The following FIBCD1 variants were observed in gnomAD, a reference collection of about 807,000 sequenced individuals.
FIBCD1 encodes fibrinogen C domain containing 1.
FIBCD1 carries 47 observed loss-of-function variants against 45.1 expected under a neutral mutation model. The observed-to-expected ratio is 1.04, with a 90% confidence interval of 0.82 to 1.33. FIBCD1 has a LOEUF of 1.33. Ranked by LOEUF, FIBCD1 falls within the 40% of genes most tolerant of loss-of-function variation. The probability of loss-of-function intolerance (pLI) is 0.00; values close to 1 mark genes in which losing one functional copy is unlikely to be tolerated. For synonymous variants in FIBCD1, 313 were observed against 308.1 expected (o/e 1.02, Z -0.17); for missense variants, 653 against 682.2 (o/e 0.96, Z 0.48).
intron 4 of FIBCD1, among the ~76,000 whole-genome samples, chr9:130,917,125 G>A (rs1379999077): frequency 6.7e-6 from 1 of 150,238 alleles, no homozygotes; most frequent in African/African-American, 2.4e-5. Context: ...AATGGAGGCG[G>A]GGAGCAAAAG....
chr9:130,902,855 A>C lies in FIBCD1; in HGVS notation c.*1209T>G, dbSNP rs1420147028. ...GGGTCTCACCTCTGCATGTGTGCAC[A>C]CAAGGAGTGGGGATGACAGCGTGCT... is the stretch of plus-strand genomic sequence containing the variant. On this transcript the variant is annotated 3_prime_UTR_variant, in exon 7 of 7. Transcript: ENST00000372338. 6.6e-6 allele frequency: 1 copy of C among 152,386 alleles called. No individual in the cohort carries two copies. The highest frequency in any genetic ancestry group is 1.5e-5 in the Non-Finnish European group (1 of 68,174). 9.4% of individuals were successfully genotyped at this position (152,386 alleles called of 1,614,324 possible).
chr9:130,919,204 G>A (rs1201637955), intron 4 of FIBCD1, among the ~76,000 whole-genome samples: 1 of 152,214 alleles, frequency 6.6e-6, no homozygotes, highest in East Asian at 1.9e-4. Flanking sequence ...TGCTCCCCAC[G>A]GAGGCACGCT....
intron 5 of FIBCD1, among the ~76,000 whole-genome samples, chr9:130,908,442 T>C (rs1294959922): frequency 6.6e-6 from 1 of 152,226 alleles, no homozygotes; most frequent in Non-Finnish European, 1.5e-5. Context: ...CCTGCCGCCT[T>C]GTCCTTATCT....
intron 2 of FIBCD1, among the ~76,000 whole-genome samples, chr9:130,925,639 C>T (rs1206887133): frequency 6.6e-6 from 1 of 152,202 alleles, no homozygotes; most frequent in Admixed American, 6.5e-5. Flanking sequence ...TCCAACACAG[C>T]CCTGGGGTTG....
chr9:130,909,165 C>T (rs1392491442), intron 5 of FIBCD1, among the ~76,000 whole-genome samples: 3 of 152,140 alleles, frequency 2.0e-5, no homozygotes, highest in African/African-American at 7.2e-5. Flanking sequence ...ACCCTTCTCA[C>T]CCTCTCCCTC....
Position 130,902,972 on chromosome 9 carries a change from C to T in FIBCD1, c.*1092G>A, listed in dbSNP as rs187988491. On this transcript the variant is annotated 3_prime_UTR_variant, in exon 7 of 7. Coordinates refer to ENST00000372338, the MANE Select transcript of FIBCD1 (RefSeq NM_032843.5). ...ACCCCATTTGCCCGGTGAGGTGGTC[C>T]CTGTCCCTTGACCACTCGCCGGGCC... is the stretch of plus-strand genomic sequence containing the variant. 2.8e-4 allele frequency: 43 copies of T among 152,578 alleles called. No homozygotes were observed. The highest frequency in any genetic ancestry group is 9.9e-4 in the African/African-American group (41 of 41,582). 9.5% of individuals were successfully genotyped at this position (152,578 alleles called of 1,614,324 possible).
At chr9:130,909,130 G>A (rs911270156) in intron 5 of FIBCD1, among the ~76,000 whole-genome samples, 1 of 152,012 alleles carries the variant, frequency 6.6e-6, no homozygotes, top group Non-Finnish European at 1.5e-5. Context: ...CCGCTCGCTC[G>A]CAGGGGAGTT....
intron 6 of FIBCD1, among the ~76,000 whole-genome samples, chr9:130,904,946 C>T (rs1240704135): frequency 6.6e-6 from 1 of 152,196 alleles, no homozygotes; most frequent in Non-Finnish European, 1.5e-5. Flanking sequence ...CTGATGAAGA[C>T]AAGGACTGAG....
At position 130,929,823 on chromosome 9, in the gene FIBCD1, G is replaced by A. The variant is rs1053536584; in HGVS notation, c.296C>T (p.Pro99Leu). ...GCGTGCGAAGCTGTCGGTGAGGTCG[G>A]GGCAGCGCGGGTCAATGAGGATGCT... ...HLSILIDPRC[P>L]DLTDSFARLE... The change falls in exon 2 of 7, where the codon CCC (proline) becomes CTC (leucine). Residue 99 changes from proline to leucine, a missense_variant. Pro to Leu is a moderately conservative substitution (Grantham distance 98, BLOSUM62 -3). Transcript: ENST00000372338. 65 of 1,550,186 alleles carry A rather than the reference G, an allele frequency of 4.2e-5. No individual in the cohort carries two copies. Among genetic ancestry groups the A allele is most frequent in the Non-Finnish European group, 5.4e-5 (62 of 1,146,922 alleles).
At chr9:130,918,881 G>A (rs1183472554) in intron 4 of FIBCD1, among the ~76,000 whole-genome samples, 6 of 152,220 alleles carry the variant, frequency 3.9e-5, no homozygotes, top group South Asian at 2.1e-4. Context: ...GCGCAGGGCC[G>A]GTGGGGAAGA....
intron 5 of FIBCD1, among the ~76,000 whole-genome samples, chr9:130,905,967 C>CT (rs147810322): frequency 0.042 from 6,401 of 152,284 alleles, 179 homozygotes; most frequent in South Asian, 0.07. Context: ...GGCTGCCTAT[C>CT]TTGTCAGTTT....
At position 130,926,862 on chromosome 9, in the gene FIBCD1, A is replaced by G. The variant is rs893862143; in HGVS notation, c.553-2466T>C. Among the ~76,000 whole-genome samples, 1 of 152,140 alleles carries G rather than the reference A, an allele frequency of 6.6e-6. No homozygotes were observed. The highest frequency in any genetic ancestry group is 6.5e-5 in the Admixed American group (1 of 15,274). ...ATGAATTAAAATAAAATAAAATGGG[A>G]TAACAAATGTACTAACCTCCTGGCG... On this transcript the variant is annotated intron_variant, in intron 2 of 6. Transcript: ENST00000372338. This position sits in a 1 kb window ranked among gnomAD's most constrained non-coding sequence, Gnocchi z 4.1.
Position 130,924,230 on chromosome 9 carries a change from C to T in FIBCD1, c.712+7G>A, listed in dbSNP as rs772715169. ...CACCGGAGGAAGGCAGGCCCTGCCCCACTCACCAGTGGCACAGCCCCGGGG... is the reference window on the plus strand; with the variant it reads ...CACCGGAGGAAGGCAGGCCCTGCCCTACTCACCAGTGGCACAGCCCCGGGG... On this transcript the variant is annotated splice_region_variant and intron_variant, in intron 3 of 6. Transcript: ENST00000372338. 1.3e-6 allele frequency: 2 copies of T among 1,581,778 alleles called. No individual in the cohort carries two copies. Among genetic ancestry groups the T allele is most frequent in the Non-Finnish European group, 1.7e-6 (2 of 1,165,400 alleles).
At chr9:130,918,645 G>A (rs551381562) in intron 4 of FIBCD1, among the ~76,000 whole-genome samples, 1 of 152,148 alleles carries the variant, frequency 6.6e-6, no homozygotes, top group Non-Finnish European at 1.5e-5. Flanking sequence ...TGTGAGCTAC[G>A]GCAGCCCTTC....
intron 1 of FIBCD1, among the ~76,000 whole-genome samples, chr9:130,932,179 T>G (rs2133122072): frequency 6.6e-6 from 1 of 152,380 alleles, no homozygotes; most frequent in South Asian, 2.1e-4. Context: ...TCTTACATCA[T>G]TGTGTCTTAC....
intron 1 of FIBCD1, among the ~76,000 whole-genome samples, chr9:130,937,385 T>C (rs1832534187): frequency 6.6e-6 from 1 of 152,100 alleles, no homozygotes; most frequent in Admixed American, 6.5e-5. Flanking sequence ...CCCTGGTCTG[T>C]GATGTGGGAA....
chr9:130,918,099 G>C (rs1002378156), intron 4 of FIBCD1, among the ~76,000 whole-genome samples: 5 of 152,184 alleles, frequency 3.3e-5, no homozygotes, highest in African/African-American at 1.2e-4. Context: ...CTCCCACCCT[G>C]GCACATTCCT....
intron 4 of FIBCD1, among the ~76,000 whole-genome samples, chr9:130,916,164 T>C (rs370760607): frequency 1.4e-4 from 21 of 152,292 alleles, no homozygotes; most frequent in Admixed American, 3.9e-4. Flanking sequence ...CACCTGACCT[T>C]GTGATCCACC....
chr9:130,930,750 T>G (rs1212350298), intron 1 of FIBCD1: 1 of 455,744 alleles, frequency 2.2e-6, no homozygotes, highest in African/African-American at 2.0e-5. Context: ...TCCCACAGTG[T>G]GACCTTGGGC....
Sources: allele counts gnomAD v4.1 joint callset (sites outside exome capture counted in the v4.1 genomes callset), GRCh38; gene constraint gnomAD v4.1.1; non-coding constraint Gnocchi (gnomAD v3.1); transcripts MANE v1.5; gene names NCBI Gene and HGNC (gene_info 2026-07-23, HGNC 2026-07-21).